EPM2A: variants seen among roughly 807,000 people sequenced by gnomAD.
EPM2A encodes EPM2A glucan phosphatase, laforin.
Under a neutral mutation model 26.5 loss-of-function variants are expected in EPM2A, and 21 were observed. The observed-to-expected ratio is 0.79, with a 90% confidence interval of 0.56 to 1.14. The LOEUF is 1.14. Among genes scored for constraint, EPM2A ranks in the 50% most tolerant of loss-of-function variants. The pLI is 0.00. For synonymous variants in EPM2A, 217 were observed against 177.6 expected, an observed-to-expected ratio of 1.22 and a Z score of -1.76; for missense variants, 458 against 440.8, an observed-to-expected ratio of 1.04 and a Z score of -0.35.
At chr6:145,568,422 C>T (rs994762819) in intron 2 of EPM2A, among the ~76,000 whole-genome samples, 3 of 151,718 alleles carry the variant, frequency 2.0e-5, no homozygotes, top group Admixed American at 6.6e-5. Context: ...TGGGTTCCAG[C>T]GATTCTCCTC....
At chr6:145,438,679 G>A (rs1779020714) in intron 4 of EPM2A, among the ~76,000 whole-genome samples, 2 of 151,886 alleles carry the variant, frequency 1.3e-5, no homozygotes, top group Non-Finnish European at 2.9e-5. Context: ...TCACCATGTT[G>A]GTCAGGCTGG....
intron 4 of EPM2A, among the ~76,000 whole-genome samples, chr6:145,476,274 T>C (rs1779542033): frequency 6.6e-6 from 1 of 151,984 alleles, no homozygotes; most frequent in African/African-American, 2.4e-5. Flanking sequence ...AGCACCCAGG[T>C]ATATAAAGGA....
intron 4 of EPM2A, among the ~76,000 whole-genome samples, chr6:145,452,629 C>A (rs1047080826): frequency 1.4e-5 from 2 of 145,892 alleles, no homozygotes. Flanking sequence ...GCGGAGCTTG[C>A]AGTGAGCCGA....
At chr6:145,642,170 C>T (rs757466015) in intron 2 of EPM2A, among the ~76,000 whole-genome samples, 1 of 152,124 alleles carries the variant, frequency 6.6e-6, no homozygotes, top group Admixed American at 6.6e-5. Context: ...AACCAGGCTA[C>T]GACTTGGTTA....
chr6:145,608,052 C>G lies in EPM2A; in HGVS notation c.340+27193G>C, dbSNP rs115822832. Among the ~76,000 whole-genome samples, 795 of 152,274 alleles carry G rather than the reference C, an allele frequency of 5.2e-3. 4 individuals are homozygous for G. The highest frequency in any genetic ancestry group is 0.018 in the African/African-American group (761 of 41,540). ...AGTTCTTTAGCTGTGATGTCTCCTT[C>G]TATTGTTTTAATCATCTATGGTCCC... On this transcript the variant is annotated intron_variant, in intron 2 of 3. Transcript: ENST00000450221.
At chr6:145,412,361 T>C (rs12203496) in intron 4 of EPM2A, among the ~76,000 whole-genome samples, 18,083 of 152,216 alleles carry the variant, frequency 0.12, 1,145 homozygotes, top group South Asian at 0.24. Context: ...CTCACAAATA[T>C]CTTTAAATAT....
intron 2 of EPM2A, among the ~76,000 whole-genome samples, chr6:145,670,075 T>C (rs1328147626): frequency 6.6e-6 from 1 of 152,198 alleles, no homozygotes; most frequent in Non-Finnish European, 1.5e-5. Context: ...TCACTCTTGC[T>C]TACACACAGA....
intron 4 of EPM2A, among the ~76,000 whole-genome samples, chr6:145,418,803 A>C (rs1474595184): frequency 6.6e-6 from 1 of 152,210 alleles, no homozygotes; most frequent in Non-Finnish European, 1.5e-5. Flanking sequence ...ATGTCTCTTC[A>C]TTCCTGAAGG....
At chr6:145,689,782 C>T (rs1271634636) in intron 1 of EPM2A, among the ~76,000 whole-genome samples, 1 of 152,184 alleles carries the variant, frequency 6.6e-6, no homozygotes, top group African/African-American at 2.4e-5. Flanking sequence ...GTGCCTCAAC[C>T]CACTCACTAT....
intron 2 of EPM2A, chr6:145,671,092 G>A (rs1779603042): frequency 1.0e-6 from 1 of 990,660 alleles, no homozygotes; most frequent in Non-Finnish European, 1.2e-6. Context: ...ATAGAAGCAG[G>A]ACTATGTAAT....
At chr6:145,410,648 T>C (rs1404462875) in intron 4 of EPM2A, among the ~76,000 whole-genome samples, 1 of 152,240 alleles carries the variant, frequency 6.6e-6, no homozygotes, top group Admixed American at 6.5e-5. Flanking sequence ...AGAGCCAATA[T>C]TGACTTTGTG....
At chr6:145,491,490 C>CTCTCTGATGTCAAACCAG (rs1779754641) in intron 4 of EPM2A, among the ~76,000 whole-genome samples, 1 of 152,200 alleles carries the variant, frequency 6.6e-6, no homozygotes, top group Non-Finnish European at 1.5e-5. Context: ...CAAGCTACTT[C>CTCTCTGATGTCAAACCAG]TCTCTGATGT....
chr6:145,580,612 T>C (rs1165316077), intron 2 of EPM2A, among the ~76,000 whole-genome samples: 1 of 152,166 alleles, frequency 6.6e-6, no homozygotes, highest in African/African-American at 2.4e-5. Flanking sequence ...GATTATTTCA[T>C]CATCCAGGTA....
Position 145,735,220 on chromosome 6 carries a change from C to T in EPM2A, c.279G>A (p.Pro93=), listed in dbSNP as rs370423440. Residue 93 remains proline (P), a synonymous_variant, in exon 1 of 4, where the codon CCG becomes CCA. Transcript: ENST00000367519. ...TACCTTCCCAGGAGAGCTCTCCTCCCGGCTCCCGCTTCAGGAACTTGTACC... is the reference window on the plus strand; with the variant it reads ...TACCTTCCCAGGAGAGCTCTCCTCCTGGCTCCCGCTTCAGGAACTTGTACC... ...TFWYKFLKRE[P]GGELSWEGNG... is the part of the protein sequence containing the mutation. 3.3e-6 allele frequency: 5 copies of T among 1,533,316 alleles called. No homozygotes were observed. The highest frequency in any genetic ancestry group is 2.0e-5 in the Admixed American group (1 of 51,176). The allele number at this position is 1,533,316 out of a possible 1,614,324, so 95.0% of individuals were successfully genotyped here. A position where few individuals can be genotyped will look rare whatever the true frequency, so the allele number is the denominator to read the frequency against.
intron 4 of EPM2A, among the ~76,000 whole-genome samples, chr6:145,398,828 C>T (rs1778442547): frequency 7.8e-6 from 1 of 128,884 alleles, no homozygotes; most frequent in Non-Finnish European, 1.8e-5. Context: ...CCACTGCATT[C>T]CAGCCTGGGT....
intron 2 of EPM2A, among the ~76,000 whole-genome samples, chr6:145,674,603 C>T (rs139617955): frequency 9.2e-5 from 14 of 152,118 alleles, no homozygotes; most frequent in African/African-American, 2.2e-4. Flanking sequence ...AATGACCTGA[C>T]GGAGCTGAAA....
chr6:145,686,356 C>A, intron 1 of EPM2A, 60 bp from the exon 2 acceptor site: 1 of 1,338,948 alleles, frequency 7.5e-7, no homozygotes, highest in Non-Finnish European at 1.1e-6. Flanking sequence ...TAAATATCCT[C>A]AAAGCAGCTG....
In EPM2A at chr6:145,491,006, G is replaced by A. The variant is rs902597704; in HGVS notation, c.555+11516C>T. Reference sequence around the variant, plus strand: ...ATGCCTTCATCTTCACTTCAATTGTGCCTTCAGCAATCTCTACCTCAATTT... The same window carrying A: ...ATGCCTTCATCTTCACTTCAATTGTACCTTCAGCAATCTCTACCTCAATTT... On this transcript the variant is annotated intron_variant, in intron 4 of 4. Transcript: ENST00000638717. 7.0e-5 allele frequency: 64 copies of A among 917,544 alleles called. No individual in the cohort carries two copies. The South Asian group carries it at 7.9e-4, about 11-fold the overall frequency. The allele number at this position is 917,544 out of a possible 1,614,324, so 56.8% of individuals were successfully genotyped here. A position where few individuals can be genotyped will look rare whatever the true frequency, so the allele number is the denominator to read the frequency against.
At chr6:145,438,422 CAA>C (rs1258480149) in intron 4 of EPM2A, among the ~76,000 whole-genome samples, 3 of 149,884 alleles carry the variant, frequency 2.0e-5, no homozygotes, top group South Asian at 2.1e-4. Flanking sequence ...GAGTTTCACA[CAA>C]AGAGTTTAGG....
Sources: gnomAD v4.1 joint callset for allele counts (sites outside exome capture counted in the v4.1 genomes callset) on GRCh38, gnomAD v4.1.1 for gene constraint, MANE v1.5 for transcripts, NCBI Gene and HGNC (gene_info 2026-07-23, HGNC 2026-07-21) for gene names.